NARS2: variants seen among roughly 807,000 people sequenced by gnomAD.
NARS2 encodes asparaginyl-tRNA synthetase 2, mitochondrial, also known as asparaginyl-tRNA synthetase.
Under a neutral mutation model 62.9 loss-of-function variants are expected in NARS2, and 60 were observed. The observed-to-expected ratio is 0.95, with a 90% CI of 0.77 to 1.18. NARS2 has a LOEUF of 1.18. Ranked by LOEUF, NARS2 falls within the 50% of genes most tolerant of loss-of-function variation. The probability of loss-of-function intolerance (pLI) is 0.00; values close to 1 mark genes in which losing one functional copy is unlikely to be tolerated. For missense variants in NARS2, 619 were observed against 576.4 expected, an observed-to-expected ratio of 1.07 and a Z score of -0.76; for synonymous variants, 196 against 200.0, an observed-to-expected ratio of 0.98 and a Z score of 0.17.
chr11:78,572,307 C>T lies in NARS2; in HGVS notation c.142-863G>A, dbSNP rs112789944. On this transcript the variant is annotated intron_variant, in intron 1 of 13. Transcript: ENST00000281038. ...TTCTAACCTCTTTATAAATATTATG[C>T]TACTTAATCATCAGAAAAACTTAAC... Among the ~76,000 whole-genome samples, 1,368 of 152,278 alleles carry T rather than the reference C, an allele frequency of 9.0e-3. 16 individuals carry two copies. The highest frequency in any genetic ancestry group is 0.031 in the African/African-American group (1,273 of 41,550).
At chr11:78,492,108 T>A (rs61881822) in intron 7 of NARS2, among the ~76,000 whole-genome samples, 2 of 134,194 alleles carry the variant, frequency 1.5e-5, no homozygotes, top group African/African-American at 5.8e-5. Flanking sequence ...TATATATATA[T>A]ACAGACACAC....
At chr11:78,447,621 G>T (rs1328522419) in intron 11 of NARS2, among the ~76,000 whole-genome samples, 5 of 151,802 alleles carry the variant, frequency 3.3e-5, no homozygotes, top group Middle Eastern at 3.2e-3. Context: ...ACAGATGAAT[G>T]GACAAATATT....
chr11:78,516,744 T>A (rs4944205), intron 6 of NARS2, among the ~76,000 whole-genome samples: 98,284 of 152,128 alleles, frequency 0.65, 35,048 homozygotes, highest in Non-Finnish European at 0.81. Flanking sequence ...GAAGATAAGA[T>A]AATAATTTCA....
chr11:78,554,508 C>CGTGTGCGTGTGTGTGTGTGT (rs1555041426), intron 5 of NARS2, among the ~76,000 whole-genome samples: 1 of 146,914 alleles, frequency 6.8e-6, no homozygotes, highest in Non-Finnish European at 1.5e-5. Flanking sequence ...GGCGTGTGTG[C>CGTGTGCGTGTGTGTGTGTGT]GTGTGTGTGT....
chr11:78,573,192 C>CCAAGCCA (rs1485357547), intron 1 of NARS2: 3 of 152,176 alleles, frequency 2.0e-5, no homozygotes. Context: ...CAAGCCATGA[C>CCAAGCCA]TGTGTCAGTA....
intron 5 of NARS2, among the ~76,000 whole-genome samples, chr11:78,538,288 T>C (rs1478470204): frequency 6.6e-6 from 1 of 152,142 alleles, no homozygotes; most frequent in Non-Finnish European, 1.5e-5. Context: ...CCTAGACTAG[T>C]AAAAATGACC....
At chr11:78,473,059 G>C (rs753944422) in intron 9 of NARS2, among the ~76,000 whole-genome samples, 1 of 152,158 alleles carries the variant, frequency 6.6e-6, no homozygotes, top group African/African-American at 2.4e-5. Context: ...TCAGTTACTC[G>C]GGAGGCTGAG....
At chr11:78,463,265 C>G (rs1858468233) in intron 11 of NARS2, among the ~76,000 whole-genome samples, 1 of 152,132 alleles carries the variant, frequency 6.6e-6, no homozygotes, top group Non-Finnish European at 1.5e-5. Context: ...TTCCTATGTT[C>G]AACAGGCTGG....
chr11:78,442,992 A>G (rs1857621018), intron 12 of NARS2, among the ~76,000 whole-genome samples: 1 of 152,132 alleles, frequency 6.6e-6, no homozygotes, highest in South Asian at 2.1e-4. Flanking sequence ...TCTGCCAATC[A>G]TAATTGAGAG....
At chr11:78,572,004 A>G (rs1856942582) in intron 1 of NARS2, among the ~76,000 whole-genome samples, 1 of 152,098 alleles carries the variant, frequency 6.6e-6, no homozygotes, top group African/African-American at 2.4e-5. Context: ...CAACATGGTG[A>G]AACCCTGTCT....
chr11:78,556,100 T>G (rs951372247), intron 5 of NARS2, among the ~76,000 whole-genome samples: 2 of 152,172 alleles, frequency 1.3e-5, no homozygotes, highest in Admixed American at 1.3e-4. Flanking sequence ...TCCAATTATG[T>G]GGTTGGTTTT....
At chr11:78,496,006 A>C (rs1431715206) in intron 6 of NARS2, among the ~76,000 whole-genome samples, 1 of 152,188 alleles carries the variant, frequency 6.6e-6, no homozygotes, top group Non-Finnish European at 1.5e-5. Flanking sequence ...AGTATAAAAT[A>C]CAGAAGAGGC....
intron 5 of NARS2, among the ~76,000 whole-genome samples, chr11:78,530,595 T>G (rs6592786): frequency 6.6e-6 from 1 of 152,024 alleles, no homozygotes; most frequent in Non-Finnish European, 1.5e-5. Context: ...TGCCTCAGCC[T>G]GCCAGTAGCT....
chr11:78,513,106 C>T (rs1860775211), intron 6 of NARS2, among the ~76,000 whole-genome samples: 1 of 152,004 alleles, frequency 6.6e-6, no homozygotes, highest in Non-Finnish European at 1.5e-5. Flanking sequence ...AAAAATTAGC[C>T]AGGCATGGTG....
At chr11:78,449,001 G>A (rs1215987019) in intron 11 of NARS2, among the ~76,000 whole-genome samples, 2 of 152,086 alleles carry the variant, frequency 1.3e-5, no homozygotes, top group Non-Finnish European at 2.9e-5. Flanking sequence ...TAATATTTGA[G>A]TTCAGGAGAG....
At chr11:78,455,142 T>C (rs1307036017) in intron 11 of NARS2, among the ~76,000 whole-genome samples, 2 of 152,186 alleles carry the variant, frequency 1.3e-5, no homozygotes, top group African/African-American at 4.8e-5. Flanking sequence ...ATCTTGCCAG[T>C]ATCTTAGAAT....
chr11:78,437,132 TACTA>T (rs1857434161), intron 13 of NARS2, among the ~76,000 whole-genome samples: 1 of 152,234 alleles, frequency 6.6e-6, no homozygotes, highest in Non-Finnish European at 1.5e-5. Context: ...TCTATAGATT[TACTA>T]ATTTTCTTGA....
chr11:78,568,017 C>T (rs995383323), intron 3 of NARS2, among the ~76,000 whole-genome samples: 1 of 152,200 alleles, frequency 6.6e-6, no homozygotes, highest in Admixed American at 6.5e-5. Flanking sequence ...ATGAAGCTAA[C>T]AGAAGAGTCT....
intron 7 of NARS2, among the ~76,000 whole-genome samples, chr11:78,489,889 T>C (rs1196072016): frequency 1.3e-5 from 2 of 152,006 alleles, no homozygotes; most frequent in Non-Finnish European, 2.9e-5. Context: ...ATCCTGTTTC[T>C]ATAAAAAATT....
Sources: allele counts gnomAD v4.1 joint callset (sites outside exome capture counted in the v4.1 genomes callset), GRCh38; gene constraint gnomAD v4.1.1; transcripts MANE v1.5; gene names NCBI Gene and HGNC (gene_info 2026-07-23, HGNC 2026-07-21).